Variants in RAB21 observed in about 807,000 individuals in gnomAD.
RAB21 encodes the protein ras-related protein Rab-21.
Under a neutral mutation model 33.1 loss-of-function variants are expected in RAB21, and 13 were observed. The observed-to-expected ratio is 0.39, with a 90% CI of 0.26 to 0.62. The LOEUF is 0.62. RAB21 is among the 20% of genes least tolerant of loss of function. The pLI, the probability that RAB21 is intolerant of heterozygous loss-of-function variation, is 0.48. For synonymous variants in RAB21, 91 were observed against 103.7 expected (o/e 0.88, Z 0.74); for missense variants, 234 against 279.1 (o/e 0.84, Z 1.15).
intron 6 of RAB21, among the ~76,000 whole-genome samples, chr12:71,784,792 T>C (rs1799470176): frequency 6.6e-6 from 1 of 152,144 alleles, no homozygotes; most frequent in African/African-American, 2.4e-5. Context: ...AACTCCATTA[T>C]TCTTCAAATA....
rs1592652514 is a variant in RAB21, at chr12:71,787,937, T to G, written c.*2264T>G. 6.6e-6 allele frequency: 1 copy of G among 152,190 alleles called. No individual in the cohort carries two copies. Among genetic ancestry groups the G allele is most frequent in the East Asian group, 1.9e-4 (1 of 5,194 alleles). The allele number at this position is 152,190 out of a possible 1,614,324, so 9.4% of individuals were successfully genotyped here. On this transcript the variant is annotated 3_prime_UTR_variant, in exon 7 of 7. Transcript: ENST00000261263. ...GTGAAGAAAGCTTTTCCATTCTTACTGTTGTAGAAGTAGATAGGAAATAAG... is the reference window on the plus strand; with the variant it reads ...GTGAAGAAAGCTTTTCCATTCTTACGGTTGTAGAAGTAGATAGGAAATAAG...
rs1290292823 is a variant in RAB21 at position 71,792,121 on chromosome 12, C to G, written c.*6448C>G. The G allele has an allele frequency of 6.6e-6, 1 of 152,194 alleles. No homozygotes were observed. The highest frequency in any genetic ancestry group is 1.9e-4 in the East Asian group (1 of 5,204). The allele number at this position is 152,194 out of a possible 1,614,324, so 9.4% of individuals were successfully genotyped here. A position where few individuals can be genotyped will look rare whatever the true frequency, so the allele number is the denominator to read the frequency against. On this transcript the variant is annotated 3_prime_UTR_variant, in exon 7 of 7. Transcript: ENST00000261263. The stretch of plus-strand genomic sequence containing the variant: ...ACTAGTTTCAAAGTGATCCTCCTGC[C>G]TTGGCCTCTCAAAGTACTAGGATAA...
chr12:71,760,058 A>G (rs1363485488), intron 1 of RAB21, among the ~76,000 whole-genome samples: 1 of 152,176 alleles, frequency 6.6e-6, no homozygotes, highest in Non-Finnish European at 1.5e-5. Context: ...TGCGGGATTT[A>G]TGTTTTTCTT....
At chr12:71,772,679 T>G (rs1816151972) in intron 3 of RAB21, among the ~76,000 whole-genome samples, 2 of 152,208 alleles carry the variant, frequency 1.3e-5, no homozygotes, top group Admixed American at 6.5e-5. Flanking sequence ...GTGGTGAAGA[T>G]GTATATTTTA....
chr12:71,770,713 G>T lies in RAB21; in HGVS notation c.327+14G>T. 6.8e-7 allele frequency: 1 copy of T among 1,477,964 alleles called. No homozygotes were observed. Among genetic ancestry groups the T allele is most frequent in the Non-Finnish European group, 9.4e-7 (1 of 1,064,184 alleles). 91.6% of individuals were successfully genotyped at this position (1,477,964 alleles called of 1,614,324 possible). ...TCTTTTCAGAAGGTATTCTATTCAT[G>T]GGTAGATGTCTTAGAAGAACAATAG... On this transcript the variant is annotated intron_variant, in intron 3 of 6. Transcript: ENST00000261263.
intron 4 of RAB21, among the ~76,000 whole-genome samples, chr12:71,778,107 A>G (rs1157313810): frequency 1.3e-5 from 2 of 152,188 alleles, no homozygotes; most frequent in Non-Finnish European, 2.9e-5. Flanking sequence ...TATACAGTCT[A>G]CTAGCATTTT....
In RAB21 at chr12:71,760,373, A is replaced by T. The variant is rs74961099; in HGVS notation, c.159+5085A>T. 7.1e-3 allele frequency among the ~76,000 whole-genome samples: 776 copies of T among 109,554 alleles called. 11 individuals are homozygous for T. The highest frequency in any genetic ancestry group is 0.03 in the African/African-American group (739 of 24,720). The allele number at this position is 109,554 out of a possible 152,430, so 71.9% of individuals were successfully genotyped here. A position where few individuals can be genotyped will look rare whatever the true frequency, so the allele number is the denominator to read the frequency against. The stretch of plus-strand genomic sequence containing the variant: ...TCCTGTACGTAAGCTCTCTTAACTT[A>T]TATAGAGTCCCCAAGCTCTCGTGTG... On this transcript the variant is annotated intron_variant, in intron 1 of 6. Transcript: ENST00000261263.
chr12:71,782,204 T>C, intron 5 of RAB21, 119 bp downstream of exon 5: 1 of 950,816 alleles, frequency 1.1e-6, no homozygotes, highest in Admixed American at 2.4e-5. Context: ...AGGTGTTGGA[T>C]TCAGTGAAGC....
At chr12:71,782,215 A>G (rs769661149) in intron 5 of RAB21, 130 bp downstream of exon 5, 3 of 868,748 alleles carry the variant, frequency 3.5e-6, no homozygotes, top group Non-Finnish European at 5.4e-6. Context: ...TCAGTGAAGC[A>G]TGTTTACATG....
intron 1 of RAB21, among the ~76,000 whole-genome samples, chr12:71,758,031 A>ATT (rs1215389724): frequency 6.9e-6 from 1 of 144,824 alleles, no homozygotes; most frequent in Non-Finnish European, 1.5e-5. Context: ...TCATTTTTAA[A>ATT]TTTTTTTTTT....
intron 1 of RAB21, among the ~76,000 whole-genome samples, chr12:71,757,116 G>A (rs916152733): frequency 6.6e-6 from 1 of 151,688 alleles, no homozygotes; most frequent in Non-Finnish European, 1.5e-5. Context: ...AGGTCTCCAC[G>A]TTTTTTTTCA....
intron 1 of RAB21, among the ~76,000 whole-genome samples, chr12:71,767,971 G>A (rs917156827): frequency 2.6e-5 from 4 of 152,096 alleles, no homozygotes; most frequent in African/African-American, 9.7e-5. Flanking sequence ...AAATCCACAG[G>A]TTCTGCTCCA....
rs1338737163 is a variant in RAB21, at chr12:71,789,301, A to ATT, written c.*3630_*3631dup. 2 of 152,076 alleles carry ATT rather than the reference A, an allele frequency of 1.3e-5. No homozygotes were observed. Among genetic ancestry groups the ATT allele is most frequent in the African/African-American group, 4.8e-5 (2 of 41,438 alleles). The allele number at this position is 152,076 out of a possible 1,614,324, so 9.4% of individuals were successfully genotyped here. A position where few individuals can be genotyped will look rare whatever the true frequency, so the allele number is the denominator to read the frequency against. ...TTAAAAATGGATTGTGATACTGTTT[A>ATT]TTTCTTTAATTATATAATTTGCAAT... On this transcript the variant is annotated 3_prime_UTR_variant, in exon 7 of 7. Transcript: ENST00000261263.
At chr12:71,777,771 C>A (rs1366023982) in intron 4 of RAB21, among the ~76,000 whole-genome samples, 1 of 152,086 alleles carries the variant, frequency 6.6e-6, no homozygotes, top group Non-Finnish European at 1.5e-5. Flanking sequence ...TGATCATTTT[C>A]TCTCCTAGGT....
chr12:71,764,492 G>A (rs1403796673), intron 1 of RAB21, among the ~76,000 whole-genome samples: 3 of 151,972 alleles, frequency 2.0e-5, no homozygotes, highest in African/African-American at 7.2e-5. Context: ...AGTTTTTGGG[G>A]TATAGGTGTT....
chr12:71,784,952 G>A (rs1415276504), intron 6 of RAB21, among the ~76,000 whole-genome samples: 1 of 151,884 alleles, frequency 6.6e-6, no homozygotes, highest in Non-Finnish European at 1.5e-5. Flanking sequence ...ACTCAGCCAG[G>A]CATGGTGTTG....
At position 71,795,443 on chromosome 12, in the gene RAB21, A is replaced by G. The variant is rs1883455271; in HGVS notation, c.*9770A>G. 1 of 91,116 alleles carries G rather than the reference A, an allele frequency of 1.1e-5. No individual in the cohort carries two copies. Among genetic ancestry groups the G allele is most frequent in the Non-Finnish European group, 2.0e-5 (1 of 49,706 alleles). 5.6% of individuals were successfully genotyped at this position (91,116 alleles called of 1,614,324 possible). On this transcript the variant is annotated 3_prime_UTR_variant, in exon 7 of 7. Coordinates refer to ENST00000261263, the MANE Select transcript of RAB21 (RefSeq NM_014999.4). ...ACTGACATTTAAAGTCAGCTTAAAC[A>G]TCATTAGGGAAGACTATGACTGTTT...
chr12:71,788,271 T>G lies in RAB21; in HGVS notation c.*2598T>G, dbSNP rs1883324838. On this transcript the variant is annotated 3_prime_UTR_variant, in exon 7 of 7. Transcript: ENST00000261263. The stretch of plus-strand genomic sequence containing the variant: ...CTCTGCTCCAGAATTGCCAGATAAT[T>G]ATTGGTGGGTCATAACTATTCTTCA... 6.6e-6 allele frequency: 1 copy of G among 152,200 alleles called. No homozygotes were observed. Among genetic ancestry groups the G allele is most frequent in the Non-Finnish European group, 1.5e-5 (1 of 68,032 alleles). The allele number at this position is 152,200 out of a possible 1,614,324, so 9.4% of individuals were successfully genotyped here. A position where few individuals can be genotyped will look rare whatever the true frequency, so the allele number is the denominator to read the frequency against.
Position 71,798,045 on chromosome 12 carries a change from A to G in RAB21, c.*12372A>G, listed in dbSNP as rs77557104. On this transcript the variant is annotated 3_prime_UTR_variant, in exon 7 of 7. Coordinates refer to ENST00000261263, the MANE Select transcript of RAB21 (RefSeq NM_014999.4). ...TATAAAATTTGGAATAGAATTTACAATAAGAAATGATAATGTTTTCACTAT... is the reference window on the plus strand; with the variant it reads ...TATAAAATTTGGAATAGAATTTACAGTAAGAAATGATAATGTTTTCACTAT... 1.1e-4 allele frequency: 17 copies of G among 152,320 alleles called. No individual in the cohort carries two copies. The East Asian group carries it at 3.3e-3, about 29-fold the overall frequency. The allele number at this position is 152,320 out of a possible 1,614,324, so 9.4% of individuals were successfully genotyped here. A position where few individuals can be genotyped will look rare whatever the true frequency, so the allele number is the denominator to read the frequency against.
Sources: gnomAD v4.1 joint callset for allele counts (sites outside exome capture counted in the v4.1 genomes callset) on GRCh38, gnomAD v4.1.1 for gene constraint, MANE v1.5 for transcripts, NCBI Gene and HGNC (gene_info 2026-07-23, HGNC 2026-07-21) for gene names.